Variants in ENTREP2 observed in about 807,000 individuals in gnomAD.
ENTREP2 encodes the protein protein ENTREP2.
the ENTREP2 span, among the ~76,000 whole-genome samples, chr15:29,451,119 T>A: frequency 6.6e-6 from 1 of 151,642 alleles, no homozygotes; most frequent in East Asian, 1.9e-4. Context: ...AAAAAAGAAG[T>A]GTTAACAGCT....
At chr15:29,608,720 C>T in the ENTREP2 span, among the ~76,000 whole-genome samples, 1 of 151,844 alleles carries the variant, frequency 6.6e-6, no homozygotes. Flanking sequence ...GCACCTGCCA[C>T]CACACCTGGC....
At chr15:29,396,475 T>C in the ENTREP2 span, among the ~76,000 whole-genome samples, 1 of 152,210 alleles carries the variant, frequency 6.6e-6, no homozygotes, top group Non-Finnish European at 1.5e-5. Flanking sequence ...TTTTTTGTTA[T>C]TGAGTTTTAG....
chr15:29,618,025 T>G, the ENTREP2 span, among the ~76,000 whole-genome samples: 1 of 152,254 alleles, frequency 6.6e-6, no homozygotes, highest in East Asian at 1.9e-4. Context: ...CCTCTGTTTC[T>G]GTTTCCTAAT....
the ENTREP2 span, among the ~76,000 whole-genome samples, chr15:29,336,057 G>A: frequency 1.4e-5 from 2 of 143,000 alleles, no homozygotes; most frequent in African/African-American, 5.2e-5. Context: ...CAGGAGAATG[G>A]CATGAACCCG....
At chr15:29,522,399 C>T in the ENTREP2 span, among the ~76,000 whole-genome samples, 1 of 152,096 alleles carries the variant, frequency 6.6e-6, no homozygotes, top group Non-Finnish European at 1.5e-5. Context: ...AAAATGATGT[C>T]AACAAAAATG....
the ENTREP2 span, among the ~76,000 whole-genome samples, chr15:29,543,875 T>C: frequency 6.6e-6 from 1 of 152,092 alleles, no homozygotes; most frequent in Non-Finnish European, 1.5e-5. Flanking sequence ...TCTTGGTCTA[T>C]TACCAAAATG....
chr15:29,292,157 G>A, the ENTREP2 span, among the ~76,000 whole-genome samples: 1 of 152,062 alleles, frequency 6.6e-6, no homozygotes, highest in East Asian at 1.9e-4. Context: ...CTGCAACTTT[G>A]CCAGCACTTT....
chr15:29,351,895 TC>T, the ENTREP2 span, among the ~76,000 whole-genome samples: 1 of 152,056 alleles, frequency 6.6e-6, no homozygotes, highest in Non-Finnish European at 1.5e-5. Context: ...TACCTCCACC[TC>T]CCAAAGCACT....
the ENTREP2 span, among the ~76,000 whole-genome samples, chr15:29,571,356 T>C: frequency 4.0e-5 from 6 of 151,242 alleles, no homozygotes; most frequent in Non-Finnish European, 8.8e-5. Context: ...TGGGGACGGC[T>C]CGGGATGGGC....
the ENTREP2 span, among the ~76,000 whole-genome samples, chr15:29,158,230 A>G: frequency 1.1e-4 from 16 of 152,328 alleles, no homozygotes; most frequent in African/African-American, 3.6e-4. Flanking sequence ...ACGCATCATG[A>G]GGCAGCCTGC....
chr15:29,636,417 G>A, the ENTREP2 span, among the ~76,000 whole-genome samples: 1 of 152,328 alleles, frequency 6.6e-6, no homozygotes, highest in African/African-American at 2.4e-5. Flanking sequence ...AAAGGAGGAG[G>A]AACCCGTGGG....
At chr15:29,321,981 A>C in the ENTREP2 span, among the ~76,000 whole-genome samples, 1 of 152,040 alleles carries the variant, frequency 6.6e-6, no homozygotes, top group Non-Finnish European at 1.5e-5. Context: ...AGAACTAAAA[A>C]TTAAAATTTA....
the ENTREP2 span, among the ~76,000 whole-genome samples, chr15:29,385,051 AAGAGCCCAGGGGGCCCATC>A: frequency 6.6e-6 from 1 of 152,110 alleles, no homozygotes; most frequent in Non-Finnish European, 1.5e-5. Context: ...CTAGGAATTC[AAGAGCCCAGGGGGCCCATC>A]AGATCCCCAA....
chr15:29,390,282 T>C, the ENTREP2 span, among the ~76,000 whole-genome samples: 1 of 152,218 alleles, frequency 6.6e-6, no homozygotes, highest in African/African-American at 2.4e-5. Context: ...GTCATGAATC[T>C]AGTTAGCCAT....
the ENTREP2 span, chr15:29,269,517 G>A: frequency 6.3e-6 from 10 of 1,585,078 alleles, no homozygotes; most frequent in Admixed American, 5.3e-5. Context: ...CCTGAGGCGA[G>A]GGGCCCTGCG....
chr15:29,268,985 T>C, the ENTREP2 span: 2 of 1,613,982 alleles, frequency 1.2e-6, no homozygotes, highest in African/African-American at 2.7e-5. Flanking sequence ...ACGGGGTCGG[T>C]GTGGGGTATC....
chr15:29,531,959 C>G, the ENTREP2 span, among the ~76,000 whole-genome samples: 1 of 152,224 alleles, frequency 6.6e-6, no homozygotes, highest in Non-Finnish European at 1.5e-5. Context: ...AGCCACCGCA[C>G]CCAGCTTGAA....
At chr15:29,632,495 A>G in the ENTREP2 span, among the ~76,000 whole-genome samples, 1 of 152,206 alleles carries the variant, frequency 6.6e-6, no homozygotes, top group African/African-American at 2.4e-5. Flanking sequence ...AATCAGGTTA[A>G]CAGAGGCCAG....
chr15:29,443,316 G>A, the ENTREP2 span, among the ~76,000 whole-genome samples: 6 of 152,268 alleles, frequency 3.9e-5, no homozygotes, highest in Admixed American at 3.9e-4. Flanking sequence ...GGAAGACAAG[G>A]TTCCTACCAG....
Sources: gnomAD v4.1 joint callset for allele counts (sites outside exome capture counted in the v4.1 genomes callset) on GRCh38, gnomAD v4.1.1 for gene constraint, MANE v1.5 for transcripts, NCBI Gene and HGNC (gene_info 2026-07-23, HGNC 2026-07-21) for gene names.